Variants in NEDD4L observed in about 807,000 individuals in gnomAD.
The protein encoded by NEDD4L is NEDD4 like E3 ubiquitin protein ligase.
NEDD4L carries 54 observed loss-of-function variants against 148.9 expected under a neutral mutation model. The observed-to-expected ratio is 0.36, with a 90% CI of 0.29 to 0.45. NEDD4L has a LOEUF of 0.45. NEDD4L is among the 20% of genes least tolerant of loss of function. The pLI, the probability that NEDD4L is intolerant of heterozygous loss-of-function variation, is 1.00. For missense variants in NEDD4L, 856 were observed against 1,233.8 expected (o/e 0.69, Z 4.59); for synonymous variants, 433 against 440.7 (o/e 0.98, Z 0.22).
intron 1 of NEDD4L, among the ~76,000 whole-genome samples, chr18:58,105,800 T>C (rs2085035905): frequency 6.6e-6 from 1 of 152,208 alleles, no homozygotes; most frequent in South Asian, 2.1e-4. Context: ...TGCTTGCATT[T>C]TTCAGTGGTA....
chr18:58,322,574 ATGGG>A (rs1441394607), intron 7 of NEDD4L, 88 bp downstream of exon 7: 2 of 440,924 alleles, frequency 4.5e-6, no homozygotes, highest in African/African-American at 2.8e-5. Context: ...TGCTGTGGAT[ATGGG>A]TGGGTGGGGA....
intron 2 of NEDD4L, among the ~76,000 whole-genome samples, chr18:58,213,752 T>C (rs1369286464): frequency 1.3e-5 from 2 of 152,174 alleles, no homozygotes; most frequent in African/African-American, 4.8e-5. Context: ...GTTTTTGTTG[T>C]TGTTGTTTTT....
intron 18 of NEDD4L, among the ~76,000 whole-genome samples, chr18:58,356,777 T>C (rs1211751203): frequency 2.0e-5 from 3 of 152,214 alleles, no homozygotes; most frequent in Non-Finnish European, 2.9e-5. Context: ...GAGAAAAGTA[T>C]TTGAAATGAG....
chr18:58,272,791 G>A (rs1184071216), intron 5 of NEDD4L, among the ~76,000 whole-genome samples: 1 of 152,188 alleles, frequency 6.6e-6, no homozygotes, highest in African/African-American at 2.4e-5. Flanking sequence ...GTACTGTGCC[G>A]AGTTCTAGAG....
rs74255432 is a variant in NEDD4L, at chr18:58,062,675, T to C, written c.48+17967T>C. ...CATGTGTGGAGCATGAAAGTACCAATAGAAAATTTTGACAAAGAAATTGAA... is the reference window on the plus strand; with the variant it reads ...CATGTGTGGAGCATGAAAGTACCAACAGAAAATTTTGACAAAGAAATTGAA... On this transcript the variant is annotated intron_variant, in intron 1 of 30. Coordinates refer to ENST00000400345, the MANE Select transcript of NEDD4L (RefSeq NM_001144967.3). 1.4e-3 allele frequency among the ~76,000 whole-genome samples: 216 copies of C among 152,194 alleles called. 6 individuals carry two copies. In the East Asian group the frequency reaches 0.04, roughly 28 times the overall value.
chr18:58,147,116 C>T (rs1181140210), intron 1 of NEDD4L, among the ~76,000 whole-genome samples: 3 of 152,134 alleles, frequency 2.0e-5, no homozygotes, highest in African/African-American at 4.8e-5. Context: ...TGGTTCATAG[C>T]TTTGTGTGTC....
chr18:58,308,166 A>G (rs758252019), intron 5 of NEDD4L, among the ~76,000 whole-genome samples: 2 of 151,948 alleles, frequency 1.3e-5, no homozygotes, highest in African/African-American at 2.4e-5. Context: ...GTTCAATCTC[A>G]TATCAGTTTG....
chr18:58,315,850 G>A (rs914409580), intron 5 of NEDD4L, 132 bp from the exon 6 acceptor site: 47 of 816,932 alleles, frequency 5.8e-5, no homozygotes, highest in Non-Finnish European at 7.2e-5. Context: ...GTGTCTCCTC[G>A]GGGCCTTCCG....
chr18:58,176,822 T>C (rs979112678), intron 2 of NEDD4L, among the ~76,000 whole-genome samples: 2 of 152,242 alleles, frequency 1.3e-5, no homozygotes, highest in Non-Finnish European at 2.9e-5. Flanking sequence ...CCTCGTTTTC[T>C]TCAGTCTAGA....
intron 5 of NEDD4L, among the ~76,000 whole-genome samples, chr18:58,285,756 A>G (rs952910157): frequency 2.0e-5 from 3 of 152,198 alleles, no homozygotes; most frequent in Non-Finnish European, 2.9e-5. Context: ...CTAACATTCA[A>G]ATGCTTTTGA....
chr18:58,293,333 A>G (rs996928456), intron 5 of NEDD4L, among the ~76,000 whole-genome samples: 2 of 152,242 alleles, frequency 1.3e-5, no homozygotes, highest in Non-Finnish European at 2.9e-5. Context: ...GGGAAAATCA[A>G]TGCCAATGTA....
intron 13 of NEDD4L, chr18:58,335,771 G>T: frequency 2.4e-6 from 1 of 417,638 alleles, no homozygotes; most frequent in South Asian, 3.5e-5. Context: ...ATCAGGCTTT[G>T]GTTAAGTGCA....
chr18:58,282,488 C>T (rs1395622168), intron 5 of NEDD4L, among the ~76,000 whole-genome samples: 1 of 152,198 alleles, frequency 6.6e-6, no homozygotes, highest in Non-Finnish European at 1.5e-5. Context: ...TAAGTCAGTA[C>T]TTTTTGGATC....
chr18:58,127,860 G>A (rs1463682355), intron 1 of NEDD4L, among the ~76,000 whole-genome samples: 14 of 121,664 alleles, frequency 1.2e-4, no homozygotes, highest in Middle Eastern at 7.9e-3. Flanking sequence ...AAAAAAAAAA[G>A]AATCAACATT....
At chr18:58,048,933 G>T (rs1034051921) in intron 1 of NEDD4L, among the ~76,000 whole-genome samples, 3 of 152,044 alleles carry the variant, frequency 2.0e-5, no homozygotes, top group Non-Finnish European at 4.4e-5. Flanking sequence ...CTAACCTTTG[G>T]CGTGGATGCC....
chr18:58,088,683 A>G (rs936142967), intron 1 of NEDD4L, among the ~76,000 whole-genome samples: 2 of 152,174 alleles, frequency 1.3e-5, no homozygotes, highest in African/African-American at 4.8e-5. Flanking sequence ...CCCAATGTCC[A>G]TTTTGTAAAT....
chr18:58,310,123 G>A (rs915752520), intron 5 of NEDD4L, among the ~76,000 whole-genome samples: 1 of 152,134 alleles, frequency 6.6e-6, no homozygotes, highest in African/African-American at 2.4e-5. Context: ...CAAAATAGAT[G>A]GTCTTCCTGG....
intron 2 of NEDD4L, among the ~76,000 whole-genome samples, chr18:58,205,835 C>A (rs574746275): frequency 6.6e-6 from 1 of 151,712 alleles, no homozygotes; most frequent in South Asian, 2.1e-4. Context: ...CCCCTTGGTT[C>A]TAGCCACGCT....
At chr18:58,078,289 A>G (rs2083271593) in intron 1 of NEDD4L, among the ~76,000 whole-genome samples, 1 of 152,208 alleles carries the variant, frequency 6.6e-6, no homozygotes, top group South Asian at 2.1e-4. Flanking sequence ...ATTTACTTGA[A>G]AAGGTAATGT....
Sources: allele counts gnomAD v4.1 joint callset (sites outside exome capture counted in the v4.1 genomes callset), GRCh38; gene constraint gnomAD v4.1.1; transcripts MANE v1.5; gene names NCBI Gene and HGNC (gene_info 2026-07-23, HGNC 2026-07-21).